Variants in DSCAM observed in about 807,000 individuals in gnomAD.
DSCAM encodes DS cell adhesion molecule.
DSCAM carries 47 observed loss-of-function variants against 217.7 expected under a neutral mutation model. The observed-to-expected ratio is 0.22, with a 90% CI of 0.17 to 0.28. The LOEUF (loss-of-function observed/expected upper bound fraction) is 0.28. Ranked by LOEUF, DSCAM falls within the 10% of genes least tolerant of loss-of-function variation. The pLI is 1.00. For missense variants in DSCAM, 2,080 were observed against 2,618.3 expected, an observed-to-expected ratio of 0.79 and a Z score of 4.49; for synonymous variants, 1,056 against 1,015.3, an observed-to-expected ratio of 1.04 and a Z score of -0.76.
At chr21:40,671,674 G>A (rs2090276347) in intron 3 of DSCAM, among the ~76,000 whole-genome samples, 1 of 113,644 alleles carries the variant, frequency 8.8e-6, no homozygotes, top group South Asian at 3.0e-4. Context: ...AGGAAACAGA[G>A]CAAGATGATT....
intron 3 of DSCAM, among the ~76,000 whole-genome samples, chr21:40,687,669 C>T (rs962946547): frequency 4.6e-5 from 7 of 152,162 alleles, no homozygotes; most frequent in African/African-American, 1.7e-4. Flanking sequence ...ATCTCTTTTC[C>T]CCTCTCTAAA....
chr21:40,105,441 C>A (rs888498283), intron 20 of DSCAM, among the ~76,000 whole-genome samples: 1 of 152,190 alleles, frequency 6.6e-6, no homozygotes, highest in African/African-American at 2.4e-5. Flanking sequence ...TGTGGTTACC[C>A]TCATGCTGTT....
intron 3 of DSCAM, among the ~76,000 whole-genome samples, chr21:40,396,052 A>G (rs555809025): frequency 1.1e-4 from 17 of 152,314 alleles, no homozygotes; most frequent in Admixed American, 3.9e-4. Flanking sequence ...GCTCCAACTC[A>G]GGGCAGCTCA....
chr21:40,180,205 T>C (rs1225657319), intron 14 of DSCAM, among the ~76,000 whole-genome samples: 1 of 152,160 alleles, frequency 6.6e-6, no homozygotes, highest in Non-Finnish European at 1.5e-5. Context: ...CTCTGAGTCT[T>C]GGGAATGGGG....
intron 3 of DSCAM, among the ~76,000 whole-genome samples, chr21:40,667,065 G>A (rs973628136): frequency 5.3e-5 from 8 of 152,148 alleles, no homozygotes; most frequent in Non-Finnish European, 7.3e-5. Flanking sequence ...CCACTCTCCC[G>A]AAGAAGCAGC....
At chr21:40,804,599 A>G (rs553972996) in intron 1 of DSCAM, among the ~76,000 whole-genome samples, 27 of 152,120 alleles carry the variant, frequency 1.8e-4, no homozygotes, top group African/African-American at 6.5e-4. Flanking sequence ...GCCACTTTGC[A>G]ACTCACCCTA....
intron 4 of DSCAM, among the ~76,000 whole-genome samples, chr21:40,359,434 G>C (rs960524834): frequency 6.6e-6 from 1 of 152,164 alleles, no homozygotes; most frequent in African/African-American, 2.4e-5. Flanking sequence ...TTTTCTTAAA[G>C]TGTTTAAACT....
At position 40,179,184 on chromosome 21, in the gene DSCAM, C is replaced by CAAAAAAAAAAAAA. The variant is rs11286508; in HGVS notation, c.2780-103_2780-91dup. 5.8e-5 allele frequency: 6 copies of CAAAAAAAAAAAAA among 102,610 alleles called. 2 individuals are homozygous for CAAAAAAAAAAAAA. The highest frequency in any genetic ancestry group is 2.1e-4 in the South Asian group (2 of 9,308). 6.4% of individuals were successfully genotyped at this position (102,610 alleles called of 1,614,324 possible). A position where few individuals can be genotyped will look rare whatever the true frequency, so the allele number is the denominator to read the frequency against. ...AAGTTCACAAGTAGGAATTAAAAACCAAAAAAAAAAAAAAAAAAAAAAAAA... is the reference window on the plus strand; with the variant it reads ...AAGTTCACAAGTAGGAATTAAAAACCAAAAAAAAAAAAAAAAAAAAAAAAAAAAAAAAAAAAAA... On this transcript the variant is annotated intron_variant, in intron 14 of 32. Coordinates refer to ENST00000400454, the MANE Select transcript of DSCAM (RefSeq NM_001389.5).
rs550875137 is a variant in DSCAM, at chr21:40,413,102, T to C, written c.509-43857A>G. ...CTCCACCTAGATTTTAAAACATGTA[T>C]GGAAATGCCTGGATGCCCAGGCAGA... is the stretch of plus-strand genomic sequence containing the variant. On this transcript the variant is annotated intron_variant, in intron 3 of 32. Coordinates refer to ENST00000400454, the MANE Select transcript of DSCAM (RefSeq NM_001389.5). Among the ~76,000 whole-genome samples, 3 of 152,226 alleles carry C rather than the reference T, an allele frequency of 2.0e-5. No homozygotes were observed. The East Asian group carries it at 5.8e-4, about 29-fold the overall frequency.
rs545630583 is a variant in DSCAM, at chr21:40,845,249, C to T, written c.43+1370G>A. On this transcript the variant is annotated intron_variant, in intron 1 of 32. Transcript: ENST00000400454. ...CTTTGCTTTAGGTTATACTGGAGAG[C>T]AAAGTATCATTTTCATGTTCATTTT... Among the ~76,000 whole-genome samples the T allele has an allele frequency of 3.9e-5, 6 of 152,286 alleles. No homozygotes were observed. In the East Asian group the frequency reaches 7.7e-4, roughly 20 times the overall value.
At chr21:40,592,795 T>C (rs2076993307) in intron 3 of DSCAM, among the ~76,000 whole-genome samples, 1 of 152,148 alleles carries the variant, frequency 6.6e-6, no homozygotes, top group South Asian at 2.1e-4. Flanking sequence ...GGATTATATG[T>C]TTATTGTCCT....
At chr21:40,694,177 C>T (rs992457042) in intron 2 of DSCAM, among the ~76,000 whole-genome samples, 17 of 152,158 alleles carry the variant, frequency 1.1e-4, no homozygotes, top group African/African-American at 4.1e-4. Flanking sequence ...GATGTGCCAG[C>T]CTTACTTCTT....
rs897577886 is a variant in DSCAM, at chr21:40,362,788, T to A, written c.655+6311A>T. Reference sequence around the variant, plus strand: ...TGCAGACCAATAAGATTCTTCTTTCTTTCTTTATATGAAATATATATGCAG... The same window carrying A: ...TGCAGACCAATAAGATTCTTCTTTCATTCTTTATATGAAATATATATGCAG... On this transcript the variant is annotated intron_variant, in intron 4 of 32. Transcript: ENST00000400454. 2.0e-5 allele frequency among the ~76,000 whole-genome samples: 3 copies of A among 152,204 alleles called. No homozygotes were observed. The East Asian group carries it at 5.8e-4, about 29-fold the overall frequency.
chr21:40,477,965 A>G (rs2075951449), intron 3 of DSCAM, among the ~76,000 whole-genome samples: 1 of 152,146 alleles, frequency 6.6e-6, no homozygotes, highest in Non-Finnish European at 1.5e-5. Context: ...GAGAAAAAAA[A>G]TTACCAGGAC....
intron 4 of DSCAM, among the ~76,000 whole-genome samples, chr21:40,367,682 G>A (rs1484358320): frequency 1.3e-5 from 2 of 152,128 alleles, no homozygotes; most frequent in Admixed American, 6.5e-5. Context: ...TGTGGCATGT[G>A]ACTCTGTGGA....
In DSCAM at chr21:40,272,422, G is replaced by A. The variant is rs537633643; in HGVS notation, c.2356+3675C>T. The stretch of plus-strand genomic sequence containing the variant: ...TGCTTTCCATGACAATTCCATACAT[G>A]CTTGCTGGCTTTCTTCTTTGCCTGT... On this transcript the variant is annotated intron_variant, in intron 11 of 32. Transcript: ENST00000400454. 9.9e-5 allele frequency among the ~76,000 whole-genome samples: 15 copies of A among 152,250 alleles called. No individual in the cohort carries two copies. The East Asian group carries it at 2.3e-3, about 23-fold the overall frequency.
intron 3 of DSCAM, among the ~76,000 whole-genome samples, chr21:40,668,049 C>T (rs2090224565): frequency 6.6e-6 from 1 of 152,198 alleles, no homozygotes; most frequent in Non-Finnish European, 1.5e-5. Flanking sequence ...ATTCTATTAA[C>T]TCTGCTATCC....
intron 8 of DSCAM, among the ~76,000 whole-genome samples, chr21:40,333,174 T>C (rs2074394688): frequency 6.6e-6 from 1 of 152,178 alleles, no homozygotes; most frequent in Non-Finnish European, 1.5e-5. Context: ...CTTTCAATCC[T>C]AATCCACAGG....
intron 11 of DSCAM, 52 bp downstream of exon 11, chr21:40,276,045 C>T (rs1015605384): frequency 1.4e-6 from 2 of 1,468,224 alleles, no homozygotes; most frequent in African/African-American, 1.4e-5. Context: ...AGGAAGCCCC[C>T]AGAGACCTAT....
Sources: allele counts gnomAD v4.1 joint callset (sites outside exome capture counted in the v4.1 genomes callset), GRCh38; gene constraint gnomAD v4.1.1; transcripts MANE v1.5; gene names NCBI Gene and HGNC (gene_info 2026-07-23, HGNC 2026-07-21).